GPM6A: variants seen among roughly 807,000 people sequenced by gnomAD.
The protein encoded by GPM6A is neuronal membrane glycoprotein M6-a.
GPM6A carries 7 observed loss-of-function variants against 32.1 expected under a neutral mutation model. The ratio of observed to expected loss-of-function variants is 0.22; its 90% CI spans 0.12 to 0.41. GPM6A has a LOEUF of 0.41. Among genes scored for constraint, GPM6A ranks in the 10% least tolerant of loss-of-function variants. The pLI is 1.00. For synonymous variants in GPM6A, 130 were observed against 123.4 expected (o/e 1.05, Z -0.35); for missense variants, 235 against 347.2 (o/e 0.68, Z 2.57).
intron 1 of GPM6A, among the ~76,000 whole-genome samples, chr4:175,869,204 T>C (rs1736829362): frequency 6.6e-6 from 1 of 152,220 alleles, no homozygotes; most frequent in African/African-American, 2.4e-5. Flanking sequence ...GCTTATTGTA[T>C]TTTCATCTTA....
At chr4:175,855,847 A>G (rs1348900836) in intron 1 of GPM6A, among the ~76,000 whole-genome samples, 2 of 152,212 alleles carry the variant, frequency 1.3e-5, no homozygotes, top group Admixed American at 6.5e-5. Context: ...TAATATACAC[A>G]TATATATTTC....
chr4:175,731,980 T>TTTG (rs1731453941), intron 1 of GPM6A, among the ~76,000 whole-genome samples: 1 of 150,494 alleles, frequency 6.6e-6, no homozygotes, highest in Non-Finnish European at 1.5e-5. Context: ...TTTTTTTTTT[T>TTTG]TTTCGTGACA....
chr4:175,868,299 A>G (rs974674911), intron 1 of GPM6A, among the ~76,000 whole-genome samples: 20 of 152,170 alleles, frequency 1.3e-4, no homozygotes, highest in Admixed American at 5.2e-4. Flanking sequence ...GTGATTTCCA[A>G]ACTCCTTACA....
upstream of GPM6A, chr4:175,812,619 G>A: frequency 5.0e-6 from 5 of 995,024 alleles, no homozygotes; most frequent in Non-Finnish European, 6.0e-6. Context: ...TTTAAAATGG[G>A]GAAAAGAAAT....
chr4:175,901,838 G>A (rs912137930), intron 1 of GPM6A, among the ~76,000 whole-genome samples: 1 of 151,672 alleles, frequency 6.6e-6, no homozygotes, highest in African/African-American at 2.4e-5. Flanking sequence ...ATGTTGGCCA[G>A]GCTAGTCTTG....
At chr4:175,709,290 T>C (rs927431202) in intron 1 of GPM6A, among the ~76,000 whole-genome samples, 7 of 151,480 alleles carry the variant, frequency 4.6e-5, no homozygotes, top group African/African-American at 1.7e-4. Flanking sequence ...CTGCCCCCTT[T>C]CTCTCTCTGT....
At chr4:175,999,393 T>C (rs1002151321) in intron 1 of GPM6A, among the ~76,000 whole-genome samples, 5 of 152,236 alleles carry the variant, frequency 3.3e-5, no homozygotes, top group Non-Finnish European at 7.3e-5. Flanking sequence ...GTTGCATCCT[T>C]TCTGCAGAGT....
intron 1 of GPM6A, among the ~76,000 whole-genome samples, chr4:175,985,828 T>A (rs982230460): frequency 7.9e-5 from 12 of 152,144 alleles, no homozygotes; most frequent in Non-Finnish European, 1.6e-4. Flanking sequence ...TTTTCTGAGA[T>A]GGAGTCTTGC....
At chr4:175,814,085 C>T (rs114201782), upstream of GPM6A, among the ~76,000 whole-genome samples, 4,060 of 152,276 alleles carry the variant, frequency 0.027, 60 homozygotes, top group Non-Finnish European at 0.041. Context: ...CAACACAGAA[C>T]GGAGCAACGC....
At chr4:175,807,855 C>T (rs533640994) in intron 1 of GPM6A, among the ~76,000 whole-genome samples, 1 of 152,276 alleles carries the variant, frequency 6.6e-6, no homozygotes, top group South Asian at 2.1e-4. Flanking sequence ...AGAACCTGGA[C>T]TCATTCTGAT....
intron 3 of GPM6A, among the ~76,000 whole-genome samples, chr4:175,657,671 C>G (rs993599693): frequency 1.3e-5 from 2 of 152,086 alleles, no homozygotes; most frequent in Non-Finnish European, 2.9e-5. Context: ...CCGAGTGTCT[C>G]GAATTTGTCA....
rs1346143639 is a variant in GPM6A at position 175,969,522 on chromosome 4, A to G, written c.-23+32787T>C. Among the ~76,000 whole-genome samples the G allele has an allele frequency of 4.6e-5, 7 of 152,172 alleles. No individual in the cohort carries two copies. In the South Asian group the frequency reaches 1.2e-3, roughly 27 times the overall value. ...TCAGGAGTTCGAAGCCAGCCTGGCCAACATGGTGAAAGCCCCTCTCTACTG... is the reference window on the plus strand; with the variant it reads ...TCAGGAGTTCGAAGCCAGCCTGGCCGACATGGTGAAAGCCCCTCTCTACTG... On this transcript the variant is annotated intron_variant, in intron 1 of 7. Transcript: ENST00000280187.
At chr4:175,721,774 A>G (rs1233650218) in intron 1 of GPM6A, among the ~76,000 whole-genome samples, 3 of 152,226 alleles carry the variant, frequency 2.0e-5, no homozygotes, top group Non-Finnish European at 2.9e-5. Context: ...TATACATTTG[A>G]TGGTGAGCAA....
At chr4:175,747,760 G>A (rs2111181094) in intron 1 of GPM6A, among the ~76,000 whole-genome samples, 1 of 152,174 alleles carries the variant, frequency 6.6e-6, no homozygotes, top group African/African-American at 2.4e-5. Flanking sequence ...TAGGGTGGCT[G>A]TGTCAATTTC....
chr4:175,843,509 T>G (rs1736000901), intron 1 of GPM6A, among the ~76,000 whole-genome samples: 1 of 152,184 alleles, frequency 6.6e-6, no homozygotes, highest in South Asian at 2.1e-4. Flanking sequence ...ACTGGGTTTC[T>G]GTTTCAACAC....
intron 1 of GPM6A, among the ~76,000 whole-genome samples, chr4:175,974,401 G>A (rs1394764441): frequency 6.6e-6 from 1 of 152,102 alleles, no homozygotes; most frequent in Non-Finnish European, 1.5e-5. Context: ...TGTCACCCAG[G>A]CTAGAGGACA....
chr4:175,648,961 A>G (rs1741628623), intron 4 of GPM6A, among the ~76,000 whole-genome samples: 1 of 152,220 alleles, frequency 6.6e-6, no homozygotes, highest in Admixed American at 6.5e-5. Flanking sequence ...GAATGTGTAC[A>G]TCTTTGAGGA....
At chr4:175,869,199 T>C (rs1467584045) in intron 1 of GPM6A, among the ~76,000 whole-genome samples, 1 of 152,208 alleles carries the variant, frequency 6.6e-6, no homozygotes, top group Non-Finnish European at 1.5e-5. Flanking sequence ...CAATGGCTTA[T>C]TGTATTTTCA....
At chr4:175,778,678 T>C (rs1201085029) in intron 1 of GPM6A, among the ~76,000 whole-genome samples, 1 of 140,776 alleles carries the variant, frequency 7.1e-6, no homozygotes, top group East Asian at 2.1e-4. Flanking sequence ...CTCTGTAGGA[T>C]AGAAGAAAAC....
Sources: gnomAD v4.1 joint callset for allele counts (sites outside exome capture counted in the v4.1 genomes callset) on GRCh38, gnomAD v4.1.1 for gene constraint, MANE v1.5 for transcripts, NCBI Gene and HGNC (gene_info 2026-07-23, HGNC 2026-07-21) for gene names.